Variants in CTNNBIP1 observed in about 807,000 individuals in gnomAD.
CTNNBIP1 encodes the protein catenin beta interacting protein 1.
CTNNBIP1 carries 7 observed loss-of-function variants against 11.8 expected under a neutral mutation model. The observed-to-expected ratio is 0.60, with a 90% CI of 0.34 to 1.12. The LOEUF is 1.12. Among genes scored for constraint, CTNNBIP1 ranks in the 50% most tolerant of loss-of-function variants. The probability of loss-of-function intolerance (pLI) is 0.03; values close to 1 mark genes in which losing one functional copy is unlikely to be tolerated. For missense variants in CTNNBIP1, 101 were observed against 113.4 expected, an observed-to-expected ratio of 0.89 and a Z score of 0.50; for synonymous variants, 58 against 43.9, an observed-to-expected ratio of 1.32 and a Z score of -1.26.
intron 5 of CTNNBIP1, among the ~76,000 whole-genome samples, chr1:9,852,256 G>A (rs1037423729): frequency 6.6e-6 from 1 of 152,156 alleles, no homozygotes; most frequent in Non-Finnish European, 1.5e-5. Context: ...GCTGTCGGGA[G>A]GGCCAGAGAT....
chr1:9,857,408 G>A (rs1234675074), intron 5 of CTNNBIP1, among the ~76,000 whole-genome samples: 7 of 147,300 alleles, frequency 4.8e-5, no homozygotes, highest in Admixed American at 4.7e-4. Context: ...GGAGAATGGC[G>A]TGAACCCGGG....
intron 2 of CTNNBIP1, among the ~76,000 whole-genome samples, chr1:9,880,776 C>T (rs1008789938): frequency 3.3e-5 from 5 of 152,204 alleles, no homozygotes; most frequent in East Asian, 1.9e-4. Flanking sequence ...ACAGTAAGCA[C>T]GCTCCAATAA....
chr1:9,894,586 G>T (rs1250975654), intron 1 of CTNNBIP1, among the ~76,000 whole-genome samples: 1 of 151,864 alleles, frequency 6.6e-6, no homozygotes, highest in Non-Finnish European at 1.5e-5. Flanking sequence ...GGAGTGTAGT[G>T]GTGCAATCTC....
intron 5 of CTNNBIP1, among the ~76,000 whole-genome samples, chr1:9,865,796 C>T (rs894201551): frequency 6.6e-6 from 1 of 152,140 alleles, no homozygotes; most frequent in Non-Finnish European, 1.5e-5. Flanking sequence ...TCCCTTTCCC[C>T]AGTTTTTTAA....
At chr1:9,860,589 C>T (rs1430266576) in intron 5 of CTNNBIP1, among the ~76,000 whole-genome samples, 1 of 143,014 alleles carries the variant, frequency 7.0e-6, no homozygotes, top group African/African-American at 2.7e-5. Context: ...TGCATTCTGG[C>T]ATGGGCAACA....
intron 1 of CTNNBIP1, among the ~76,000 whole-genome samples, chr1:9,905,441 G>A (rs77819805): frequency 2.8e-5 from 4 of 141,728 alleles, no homozygotes; most frequent in African/African-American, 1.0e-4. Flanking sequence ...TTTTTTTTTT[G>A]AGACAGAGTC....
chr1:9,868,047 A>C (rs998500125), intron 5 of CTNNBIP1, among the ~76,000 whole-genome samples: 1 of 152,168 alleles, frequency 6.6e-6, no homozygotes, highest in African/African-American at 2.4e-5. Flanking sequence ...TATGCTTATG[A>C]AACTCTTCCA....
rs1638310806 is a variant in CTNNBIP1 at position 9,848,514 on chromosome 1, G to A, written c.*2204C>T. Reference sequence around the variant, plus strand: ...TTATAGGAGCTACAAAGAGGGGGCAGCCAGCAATGTGGCCTCGACACCTGA... The same window carrying A: ...TTATAGGAGCTACAAAGAGGGGGCAACCAGCAATGTGGCCTCGACACCTGA... On this transcript the variant is annotated 3_prime_UTR_variant, in exon 6 of 6. Transcript: ENST00000377263. The surrounding 1 kb of genome is among the most constrained non-coding windows in gnomAD (Gnocchi z 4.3). 1 of 152,208 alleles carries A rather than the reference G, an allele frequency of 6.6e-6. No homozygotes were observed. The highest frequency in any genetic ancestry group is 1.5e-5 in the Non-Finnish European group (1 of 68,034). 9.4% of individuals were successfully genotyped at this position (152,208 alleles called of 1,614,324 possible).
At chr1:9,909,670 G>A (rs941010540) in intron 1 of CTNNBIP1, among the ~76,000 whole-genome samples, 6 of 152,150 alleles carry the variant, frequency 3.9e-5, no homozygotes, top group Middle Eastern at 6.4e-3. Flanking sequence ...ATCGGGAGAC[G>A]ACAGTTCAAT....
chr1:9,869,185 C>T (rs542094555), intron 5 of CTNNBIP1, among the ~76,000 whole-genome samples: 5 of 147,964 alleles, frequency 3.4e-5, no homozygotes, highest in Admixed American at 1.3e-4. Flanking sequence ...TTTTTTGTAG[C>T]GAGAGGGTCT....
At position 9,898,563 on chromosome 1, in the gene CTNNBIP1, C is replaced by T. The variant is rs1229195343; in HGVS notation, c.-144+11532G>A. On this transcript the variant is annotated intron_variant, in intron 1 of 5. Coordinates refer to ENST00000377263, the MANE Select transcript of CTNNBIP1 (RefSeq NM_020248.3). ...AATAAAAAGAACAGTGACAAATTGG[C>T]GAAAATATGTATAACACATATCACA... Among the ~76,000 whole-genome samples the T allele has an allele frequency of 3.3e-5, 5 of 151,874 alleles. No homozygotes were observed. The South Asian group carries it at 6.3e-4, about 19-fold the overall frequency.
rs191576341 is a variant in CTNNBIP1 at position 9,867,750 on chromosome 1, C to T, written c.187+3437G>A. 4.0e-3 allele frequency among the ~76,000 whole-genome samples: 610 copies of T among 152,332 alleles called. 7 individuals carry two copies. The highest frequency in any genetic ancestry group is 0.013 in the African/African-American group (558 of 41,558). ...AGTCTCTGCACCCTGCTCTGGCCCC[C>T]GCATCCTGCCCCAGTCCCTGGAGAC... On this transcript the variant is annotated intron_variant, in intron 5 of 5. Transcript: ENST00000377263. This position sits in a 1 kb window ranked among gnomAD's most constrained non-coding sequence, Gnocchi z 4.6.
intron 5 of CTNNBIP1, among the ~76,000 whole-genome samples, chr1:9,870,979 C>T (rs1489398274): frequency 6.6e-6 from 1 of 152,174 alleles, no homozygotes; most frequent in African/African-American, 2.4e-5. Context: ...TTGGCTCCCA[C>T]CTGAGGAAGG....
intron 5 of CTNNBIP1, among the ~76,000 whole-genome samples, chr1:9,854,979 C>T (rs968920026): frequency 6.6e-6 from 1 of 151,930 alleles, no homozygotes; most frequent in Non-Finnish European, 1.5e-5. Context: ...ACCTGGCCCA[C>T]TAAAAAACTA....
chr1:9,889,313 T>C (rs1312845256), intron 1 of CTNNBIP1, among the ~76,000 whole-genome samples: 1 of 152,204 alleles, frequency 6.6e-6, no homozygotes, highest in Non-Finnish European at 1.5e-5. Context: ...AATGTGGCAA[T>C]ATCTAGAGAC....
chr1:9,862,315 C>T (rs1638648229), intron 5 of CTNNBIP1, among the ~76,000 whole-genome samples: 1 of 152,168 alleles, frequency 6.6e-6, no homozygotes, highest in Non-Finnish European at 1.5e-5. Context: ...AACTCCTGGA[C>T]TCAAGTGATC....
chr1:9,865,329 G>A (rs1272931737), intron 5 of CTNNBIP1, among the ~76,000 whole-genome samples: 10 of 152,022 alleles, frequency 6.6e-5, no homozygotes, highest in Middle Eastern at 3.4e-3. Context: ...GGCCGGGCGC[G>A]GTGGCTCACG....
Position 9,850,610 on chromosome 1 carries a change from G to T in CTNNBIP1, c.*108C>A. On this transcript the variant is annotated 3_prime_UTR_variant, in exon 6 of 6. Coordinates refer to ENST00000377263, the MANE Select transcript of CTNNBIP1 (RefSeq NM_020248.3). ...GGTGGGGCAGGGCAGGGTTGGGTAG[G>T]GGAAGGGGGAGGTGGGGCAAGGGGG... The T allele has an allele frequency of 1.0e-6, 1 of 978,630 alleles. No homozygotes were observed. 60.6% of individuals were successfully genotyped at this position (978,630 alleles called of 1,614,324 possible).
At position 9,851,463 on chromosome 1, in the gene CTNNBIP1, C is replaced by T. The variant is rs534651419; in HGVS notation, c.188-687G>A. On this transcript the variant is annotated intron_variant, in intron 5 of 5. Transcript: ENST00000377263. The surrounding 1 kb of genome is among the most constrained non-coding windows in gnomAD (Gnocchi z 4.8). ...TCGGCTCACTGCATCCTCTGCCTCC[C>T]GGGTTCAAGCGATCCTCCTGCCTCA... 3.9e-5 allele frequency among the ~76,000 whole-genome samples: 6 copies of T among 152,100 alleles called. No individual in the cohort carries two copies. Among genetic ancestry groups the T allele is most frequent in the Non-Finnish European group, 7.3e-5 (5 of 68,038 alleles).
Sources: gnomAD v4.1 joint callset for allele counts (sites outside exome capture counted in the v4.1 genomes callset) on GRCh38, gnomAD v4.1.1 for gene constraint, Gnocchi (gnomAD v3.1) non-coding constraint, MANE v1.5 for transcripts, NCBI Gene and HGNC (gene_info 2026-07-23, HGNC 2026-07-21) for gene names.